PREP: variants seen among roughly 807,000 people sequenced by gnomAD.
PREP encodes the protein dJ355L5.1 (prolyl endopeptidase).
Under a neutral mutation model 87.6 loss-of-function variants are expected in PREP, and 29 were observed. That is an observed-to-expected ratio of 0.33 (90% CI 0.25 to 0.45). PREP has a LOEUF of 0.45. Ranked by LOEUF, PREP falls within the 20% of genes least tolerant of loss-of-function variation. The pLI is 1.00. For missense variants in PREP, 695 were observed against 886.5 expected (o/e 0.78, Z 2.74); for synonymous variants, 337 against 328.6 (o/e 1.03, Z -0.28).
At chr6:105,290,395 T>C (rs545072172) in intron 10 of PREP, among the ~76,000 whole-genome samples, 288 of 152,304 alleles carry the variant, frequency 1.9e-3, no homozygotes, top group African/African-American at 6.6e-3. Flanking sequence ...CCGTCTCACA[T>C]GATGCTACCT....
intron 12 of PREP, among the ~76,000 whole-genome samples, chr6:105,283,625 A>C (rs17065739): frequency 0.023 from 3,456 of 152,336 alleles, 125 homozygotes; most frequent in African/African-American, 0.07. Context: ...CTACATTTTA[A>C]AAAGAGCATT....
chr6:105,338,193 A>G (rs1382312971), intron 7 of PREP, among the ~76,000 whole-genome samples: 1 of 152,220 alleles, frequency 6.6e-6, no homozygotes, highest in Non-Finnish European at 1.5e-5. Context: ...TTCCCCCAAC[A>G]ATAAAGCATT....
At chr6:105,323,125 A>G (rs1167755492) in intron 10 of PREP, 7 of 1,303,266 alleles carry the variant, frequency 5.4e-6, no homozygotes, top group Non-Finnish European at 6.1e-6. Context: ...AAAAAACAAA[A>G]AAGGAGATTC....
chr6:105,402,734 G>A lies in PREP; in HGVS notation c.45+113C>T, dbSNP rs561446768. ...CTCCCAAACAAAGGCCGAGGGGGAG[G>A]GGAGGGACGCGGGGGTCGAAGGCCT... is the stretch of plus-strand genomic sequence containing the variant. On this transcript the variant is annotated intron_variant, in intron 1 of 14. Coordinates refer to ENST00000652536, the MANE Select transcript of PREP (RefSeq NM_002726.5). The A allele has an allele frequency of 5.0e-6, 5 of 995,620 alleles. No homozygotes were observed. In the South Asian group the frequency reaches 8.0e-5, roughly 16 times the overall value. 61.7% of individuals were successfully genotyped at this position (995,620 alleles called of 1,614,324 possible).
At chr6:105,326,782 C>T (rs1771170598) in intron 9 of PREP, among the ~76,000 whole-genome samples, 3 of 152,064 alleles carry the variant, frequency 2.0e-5, no homozygotes, top group South Asian at 2.1e-4. Flanking sequence ...AAATTGCATT[C>T]GGCAGAGAAA....
chr6:105,359,377 G>A (rs1414222375), intron 6 of PREP, among the ~76,000 whole-genome samples: 2 of 152,198 alleles, frequency 1.3e-5, no homozygotes, highest in Non-Finnish European at 2.9e-5. Flanking sequence ...AATGAGTTCT[G>A]AGAAGGCTTT....
intron 6 of PREP, among the ~76,000 whole-genome samples, chr6:105,357,804 A>C (rs535951012): frequency 1.4e-4 from 22 of 152,296 alleles, no homozygotes; most frequent in African/African-American, 4.1e-4. Flanking sequence ...GAACAGAATA[A>C]AGTTACTTTC....
chr6:105,357,762 A>T (rs1772137312), intron 6 of PREP, among the ~76,000 whole-genome samples: 1 of 152,218 alleles, frequency 6.6e-6, no homozygotes, highest in Non-Finnish European at 1.5e-5. Context: ...GGGAAGACAT[A>T]AATCCTGTTG....
At chr6:105,308,743 C>T (rs557798322) in intron 10 of PREP, among the ~76,000 whole-genome samples, 5 of 152,264 alleles carry the variant, frequency 3.3e-5, no homozygotes, top group East Asian at 1.9e-4. Context: ...CACTTTCAAT[C>T]GTCAAGTACT....
chr6:105,375,040 A>G (rs575002173), intron 4 of PREP, among the ~76,000 whole-genome samples: 4 of 152,264 alleles, frequency 2.6e-5, no homozygotes, highest in Admixed American at 6.5e-5. Flanking sequence ...GAACCAGTGT[A>G]TTAAATTCAC....
At chr6:105,369,436 A>G (rs890081200) in intron 5 of PREP, among the ~76,000 whole-genome samples, 2 of 152,232 alleles carry the variant, frequency 1.3e-5, no homozygotes, top group African/African-American at 4.8e-5. Context: ...TCCCAGAAAC[A>G]TATTTTGTGG....
At chr6:105,383,048 A>G (rs1020209222) in intron 2 of PREP, among the ~76,000 whole-genome samples, 7 of 152,316 alleles carry the variant, frequency 4.6e-5, no homozygotes, top group Admixed American at 2.0e-4. Context: ...GTACAGGGAC[A>G]GCCCCATCAA....
chr6:105,397,759 G>C (rs1322632808), intron 2 of PREP, 94 bp downstream of exon 2: 1 of 989,478 alleles, frequency 1.0e-6, no homozygotes, highest in Non-Finnish European at 1.6e-6. Flanking sequence ...GAAAACACAG[G>C]AGAACACCAG....
At chr6:105,279,609 G>T (rs796319630) in intron 14 of PREP, among the ~76,000 whole-genome samples, 59 of 152,286 alleles carry the variant, frequency 3.9e-4, no homozygotes, top group African/African-American at 1.4e-3. Flanking sequence ...AATTCTGGAT[G>T]GTGCTCCATG....
Position 105,403,029 on chromosome 6 carries a change from G to A in PREP, c.-138C>T. 2 of 321,516 alleles carry A rather than the reference G, an allele frequency of 6.2e-6. No individual in the cohort carries two copies. Among genetic ancestry groups the A allele is most frequent in the Non-Finnish European group, 1.1e-5 (2 of 182,130 alleles). 19.9% of individuals were successfully genotyped at this position (321,516 alleles called of 1,614,324 possible). On this transcript the variant is annotated 5_prime_UTR_variant, in exon 1 of 15. Coordinates refer to ENST00000652536, the MANE Select transcript of PREP (RefSeq NM_002726.5). ...GGCGGCAGCGGGCGGCCGGCTCACG[G>A]CCAGAGCTAGCACAAACGGACTGGC...
At chr6:105,399,292 G>A (rs1391363561) in intron 1 of PREP, among the ~76,000 whole-genome samples, 1 of 152,116 alleles carries the variant, frequency 6.6e-6, no homozygotes, top group South Asian at 2.1e-4. Context: ...CAGAAGGTAA[G>A]GGCTATTTCC....
intron 1 of PREP, among the ~76,000 whole-genome samples, chr6:105,398,491 C>T (rs143844322): frequency 5.3e-5 from 8 of 152,270 alleles, no homozygotes; most frequent in African/African-American, 1.9e-4. Flanking sequence ...AATGCAATGG[C>T]AAAACATTTT....
At chr6:105,371,343 A>T (rs1189827709) in intron 5 of PREP, among the ~76,000 whole-genome samples, 1 of 151,950 alleles carries the variant, frequency 6.6e-6, no homozygotes, top group Admixed American at 6.6e-5. Context: ...TCTCTACTAA[A>T]AATACAAAAA....
Position 105,281,860 on chromosome 6 carries a change from A to G in PREP, c.1724T>C (p.Ile575Thr). Reference sequence around the variant, plus strand: ...CATGTCCATTACTCCAACTTGGGCAATAACACAACCAAAGAGGTCAGGTCT... The same window carrying G: ...CATGTCCATTACTCCAACTTGGGCAGTAACACAACCAAAGAGGTCAGGTCT... ...NQRPDLFGCV[I>T]AQVGVMDMLK... Residue 575 changes from isoleucine (I) to threonine (T), a missense_variant, in exon 14 of 15, where the codon ATT (isoleucine) becomes ACT (threonine). Transcript: ENST00000652536. 1 of 1,614,236 alleles carries G rather than the reference A, an allele frequency of 6.2e-7. No homozygotes were observed. The highest frequency in any genetic ancestry group is 8.5e-7 in the Non-Finnish European group (1 of 1,180,040).
Sources: gnomAD v4.1 joint callset for allele counts (sites outside exome capture counted in the v4.1 genomes callset) on GRCh38, gnomAD v4.1.1 for gene constraint, MANE v1.5 for transcripts, NCBI Gene and HGNC (gene_info 2026-07-23, HGNC 2026-07-21) for gene names.